Variants in MAGI1 observed in about 807,000 individuals in gnomAD.
The protein encoded by MAGI1 is membrane associated guanylate kinase, WW and PDZ domain containing 1, also known as membrane-associated guanylate kinase, WW and PDZ domain-containing protein 1.
A neutral mutation model predicts 139.9 loss-of-function variants in MAGI1; 58 were observed. That is an observed-to-expected ratio of 0.41 (90% CI 0.34 to 0.52). The LOEUF (loss-of-function observed/expected upper bound fraction) is 0.52, where lower values mean the gene tolerates loss of function less well. MAGI1 is among the 20% of genes least tolerant of loss of function. MAGI1 has a pLI of 0.12. For missense variants in MAGI1, 1,874 were observed against 1,901.6 expected, an observed-to-expected ratio of 0.99 and a Z score of 0.27; for synonymous variants, 812 against 737.9, an observed-to-expected ratio of 1.10 and a Z score of -1.63.
chr3:65,976,489 G>A (rs1016466779), intron 1 of MAGI1, among the ~76,000 whole-genome samples: 10 of 152,146 alleles, frequency 6.6e-5, no homozygotes, highest in African/African-American at 2.4e-4. Flanking sequence ...AAATTAGCCA[G>A]GTGTGGTGGT....
intron 2 of MAGI1, among the ~76,000 whole-genome samples, chr3:65,597,003 G>A (rs2082238320): frequency 6.6e-6 from 1 of 152,160 alleles, no homozygotes; most frequent in African/African-American, 2.4e-5. Flanking sequence ...TTCCCCGAGA[G>A]CTTACAAAGC....
intron 1 of MAGI1, among the ~76,000 whole-genome samples, chr3:65,708,710 G>T (rs1420633133): frequency 8.1e-6 from 1 of 123,122 alleles, no homozygotes; most frequent in Non-Finnish European, 1.8e-5. Flanking sequence ...AAGAGAGAAA[G>T]AAAACGGGGG....
rs73125714 is a variant in MAGI1, at chr3:65,988,393, C to T, written c.313+49603G>A. Among the ~76,000 whole-genome samples the T allele has an allele frequency of 5.1e-3, 777 of 152,300 alleles. 6 individuals are homozygous for T. Among genetic ancestry groups the T allele is most frequent in the Non-Finnish European group, 8.4e-3 (570 of 68,030 alleles). ...CAGACAATACCCCTAAGTACAGTGG[C>T]AGATTGGGAGGGTGGAGGTCTCTCC... is the stretch of plus-strand genomic sequence containing the variant. On this transcript the variant is annotated intron_variant, in intron 1 of 22. Coordinates refer to ENST00000402939, the MANE Select transcript of MAGI1 (RefSeq NM_001033057.2).
chr3:65,762,361 C>G (rs1466146117), intron 1 of MAGI1, among the ~76,000 whole-genome samples: 1 of 151,954 alleles, frequency 6.6e-6, no homozygotes, highest in Non-Finnish European at 1.5e-5. Context: ...AGGCGACTTG[C>G]AAGGCATTAA....
At chr3:65,648,919 T>C (rs2085427029) in intron 1 of MAGI1, among the ~76,000 whole-genome samples, 1 of 152,128 alleles carries the variant, frequency 6.6e-6, no homozygotes, top group African/African-American at 2.4e-5. Context: ...GCCCAACTGA[T>C]TTTTCATGAA....
intron 2 of MAGI1, among the ~76,000 whole-genome samples, chr3:65,618,745 C>T (rs1432879525): frequency 6.6e-6 from 1 of 152,140 alleles, no homozygotes; most frequent in East Asian, 1.9e-4. Context: ...TAATAAGACT[C>T]ACCTTATAGG....
In MAGI1 at chr3:65,432,359, C is replaced by A. The variant is rs545246950; in HGVS notation, c.1364-1478G>T. ...GAGAGAGAAAGAGGGAGACATTAGT[C>A]CCCTACACCCCTGTACTAGGAGCCT... is the stretch of plus-strand genomic sequence containing the variant. On this transcript the variant is annotated intron_variant, in intron 10 of 22. Coordinates refer to ENST00000402939, the MANE Select transcript of MAGI1 (RefSeq NM_001033057.2). Among the ~76,000 whole-genome samples the A allele has an allele frequency of 4.6e-5, 7 of 152,192 alleles. No individual in the cohort carries two copies. In the East Asian group the frequency reaches 1.2e-3, roughly 25 times the overall value.
At chr3:65,977,559 A>G (rs759199484) in intron 1 of MAGI1, among the ~76,000 whole-genome samples, 3 of 152,024 alleles carry the variant, frequency 2.0e-5, no homozygotes, top group African/African-American at 7.2e-5. Context: ...AAAAATACAA[A>G]AATGAGCTGG....
chr3:65,929,742 T>G (rs1224776066), intron 1 of MAGI1, among the ~76,000 whole-genome samples: 3 of 151,930 alleles, frequency 2.0e-5, no homozygotes, highest in Non-Finnish European at 4.4e-5. Flanking sequence ...CATAAAAGTT[T>G]AAAACTCCAA....
At chr3:65,910,157 C>T (rs1219494887) in intron 1 of MAGI1, among the ~76,000 whole-genome samples, 1 of 152,190 alleles carries the variant, frequency 6.6e-6, no homozygotes, top group East Asian at 1.9e-4. Flanking sequence ...TCATCTAGCT[C>T]ATAACCTTCT....
chr3:65,613,991 G>A (rs1238345880), intron 2 of MAGI1, among the ~76,000 whole-genome samples: 1 of 152,144 alleles, frequency 6.6e-6, no homozygotes, highest in Non-Finnish European at 1.5e-5. Flanking sequence ...TCAAGCTCAT[G>A]GCTGGGTGCG....
At chr3:65,656,253 G>A (rs1321462722) in intron 1 of MAGI1, among the ~76,000 whole-genome samples, 3 of 152,076 alleles carry the variant, frequency 2.0e-5, no homozygotes, top group Non-Finnish European at 4.4e-5. Flanking sequence ...TAGAAAACTT[G>A]CATCCATCTC....
chr3:65,581,105 C>G (rs1181381725), intron 2 of MAGI1, among the ~76,000 whole-genome samples: 2 of 152,092 alleles, frequency 1.3e-5, no homozygotes, highest in African/African-American at 2.4e-5. Flanking sequence ...CACCACTCAC[C>G]TTGATAGCTG....
intron 2 of MAGI1, among the ~76,000 whole-genome samples, chr3:65,615,213 T>C (rs2083309656): frequency 1.3e-5 from 2 of 152,182 alleles, no homozygotes; most frequent in African/African-American, 4.8e-5. Context: ...AAAATGGCTT[T>C]AGATCTTTGT....
chr3:65,403,888 T>C (rs1447439561), intron 12 of MAGI1, among the ~76,000 whole-genome samples: 1 of 152,218 alleles, frequency 6.6e-6, no homozygotes, highest in African/African-American at 2.4e-5. Flanking sequence ...TGGAAACAAC[T>C]GGAAATTCTA....
chr3:65,509,892 T>G (rs943801858), intron 2 of MAGI1, among the ~76,000 whole-genome samples: 3 of 152,162 alleles, frequency 2.0e-5, no homozygotes, highest in South Asian at 4.1e-4. Context: ...CTCTGCAGAC[T>G]TAAGTGTCCC....
intron 1 of MAGI1, among the ~76,000 whole-genome samples, chr3:65,943,912 C>T (rs960223800): frequency 5.9e-5 from 9 of 152,168 alleles, no homozygotes; most frequent in Non-Finnish European, 1.2e-4. Flanking sequence ...ATTCATTCTA[C>T]AGAACTCAAA....
intron 1 of MAGI1, among the ~76,000 whole-genome samples, chr3:66,024,553 T>C (rs1443026809): frequency 6.6e-6 from 1 of 152,158 alleles, no homozygotes; most frequent in Non-Finnish European, 1.5e-5. Context: ...ACGCCTGTAA[T>C]CCCAGCACTT....
chr3:65,554,704 C>T (rs1261875122), intron 2 of MAGI1, among the ~76,000 whole-genome samples: 1 of 152,200 alleles, frequency 6.6e-6, no homozygotes, highest in African/African-American at 2.4e-5. Flanking sequence ...GTCCCACTTC[C>T]TTCATGAAAT....
Sources: gnomAD v4.1 joint callset for allele counts (sites outside exome capture counted in the v4.1 genomes callset) on GRCh38, gnomAD v4.1.1 for gene constraint, MANE v1.5 for transcripts, NCBI Gene and HGNC (gene_info 2026-07-23, HGNC 2026-07-21) for gene names.